The following RBFOX1 variants were observed in gnomAD, a reference collection of about 807,000 sequenced individuals.
The protein encoded by RBFOX1 is RNA binding protein fox-1 homolog 1.
RBFOX1 carries 8 observed loss-of-function variants against 57.7 expected under a neutral mutation model. That is an observed-to-expected ratio of 0.14 (90% confidence interval 0.08 to 0.25). RBFOX1 has a LOEUF of 0.25. Among genes scored for constraint, RBFOX1 ranks in the 10% least tolerant of loss-of-function variants. The pLI is 1.00. For synonymous variants in RBFOX1, 326 were observed against 222.4 expected (o/e 1.47, Z -4.15); for missense variants, 611 against 548.5 (o/e 1.11, Z -1.14).
chr16:5,758,342 T>C (rs913906503), intron 3 of RBFOX1, among the ~76,000 whole-genome samples: 2 of 152,198 alleles, frequency 1.3e-5, no homozygotes, highest in Admixed American at 6.5e-5. Flanking sequence ...AGTGCCATAA[T>C]TGGAGCACGG....
At chr16:6,450,765 G>GTATATATATATACACATATATA (rs1303973736) in intron 2 of RBFOX1, among the ~76,000 whole-genome samples, 1 of 19,442 alleles carries the variant, frequency 5.1e-5, no homozygotes, top group African/African-American at 2.0e-4. Flanking sequence ...ATATATATAT[G>GTATATATATATACACATATATA]TGTATATATA....
At chr16:5,916,291 T>C (rs2058702354) in intron 4 of RBFOX1, among the ~76,000 whole-genome samples, 1 of 152,210 alleles carries the variant, frequency 6.6e-6, no homozygotes, top group South Asian at 2.1e-4. Context: ...TTATTCTTAA[T>C]TCCCCCCTCC....
At chr16:7,464,822 G>T (rs922547098) in intron 4 of RBFOX1, among the ~76,000 whole-genome samples, 3 of 148,846 alleles carry the variant, frequency 2.0e-5, no homozygotes, top group African/African-American at 7.5e-5. Context: ...TCAGCCTCCC[G>T]AGTAGCTGGG....
chr16:7,023,044 T>C (rs551046905), intron 3 of RBFOX1, among the ~76,000 whole-genome samples: 1 of 152,250 alleles, frequency 6.6e-6, no homozygotes, highest in Non-Finnish European at 1.5e-5. Context: ...GGAATGACCA[T>C]TTGAAGTGTA....
At chr16:6,762,773 G>A (rs1488864411) in intron 3 of RBFOX1, among the ~76,000 whole-genome samples, 1 of 152,170 alleles carries the variant, frequency 6.6e-6, no homozygotes, top group African/African-American at 2.4e-5. Context: ...GGGATAGGGG[G>A]TAGTCAGGAA....
intron 3 of RBFOX1, among the ~76,000 whole-genome samples, chr16:6,906,142 A>C (rs1567815545): frequency 6.6e-6 from 1 of 152,206 alleles, no homozygotes; most frequent in South Asian, 2.1e-4. Context: ...TAGGGCTGCA[A>C]ACAGTGTTGA....
intron 1 of RBFOX1, among the ~76,000 whole-genome samples, chr16:5,252,137 C>G (rs962031676): frequency 6.6e-6 from 1 of 152,176 alleles, no homozygotes; most frequent in African/African-American, 2.4e-5. Flanking sequence ...TGAGCCCAGA[C>G]AGAGGACAGG....
At chr16:6,844,803 A>G (rs1027195088) in intron 3 of RBFOX1, among the ~76,000 whole-genome samples, 1 of 152,148 alleles carries the variant, frequency 6.6e-6, no homozygotes, top group African/African-American at 2.4e-5. Context: ...ACTGCCTCCA[A>G]CAGTGTAAAA....
chr16:7,006,295 C>G (rs531620681), intron 3 of RBFOX1, among the ~76,000 whole-genome samples: 1 of 152,154 alleles, frequency 6.6e-6, no homozygotes, highest in Non-Finnish European at 1.5e-5. Context: ...GCTGGGATTA[C>G]AGGTACACAC....
At chr16:5,449,025 A>G (rs1314800100) in intron 1 of RBFOX1, among the ~76,000 whole-genome samples, 3 of 152,056 alleles carry the variant, frequency 2.0e-5, no homozygotes, top group African/African-American at 7.2e-5. Context: ...AGAGGTATTG[A>G]GCTGCACGGG....
At chr16:7,708,330 TATACCAGAAGCC>T (rs1320340309) in intron 14 of RBFOX1, among the ~76,000 whole-genome samples, 2 of 152,186 alleles carry the variant, frequency 1.3e-5, no homozygotes, top group Admixed American at 6.5e-5. Flanking sequence ...TCCTAAAGCC[TATACCAGAAGCC>T]ATGGCAGGTA....
intron 3 of RBFOX1, among the ~76,000 whole-genome samples, chr16:6,720,307 G>C (rs1377526884): frequency 2.0e-5 from 3 of 152,074 alleles, no homozygotes; most frequent in Non-Finnish European, 2.9e-5. Flanking sequence ...TGCTACGTAA[G>C]ACATGCCAGC....
chr16:7,355,638 T>G (rs964091643), intron 4 of RBFOX1, among the ~76,000 whole-genome samples: 1 of 152,192 alleles, frequency 6.6e-6, no homozygotes, highest in African/African-American at 2.4e-5. Flanking sequence ...ACAGGTCCAC[T>G]CTATCATTCT....
intron 5 of RBFOX1, among the ~76,000 whole-genome samples, chr16:7,550,550 T>C (rs899104732): frequency 6.6e-6 from 1 of 152,192 alleles, no homozygotes; most frequent in Non-Finnish European, 1.5e-5. Context: ...GGGCATCTTA[T>C]ATTAGTCCTA....
chr16:5,908,077 T>TATATACAC (rs1414376516), intron 4 of RBFOX1, among the ~76,000 whole-genome samples: 55 of 144,672 alleles, frequency 3.8e-4, no homozygotes, highest in Middle Eastern at 3.6e-3. Context: ...TATGTATATA[T>TATATACAC]ATATATATAC....
At chr16:6,403,998 A>G (rs1387948074) in intron 2 of RBFOX1, among the ~76,000 whole-genome samples, 3 of 152,160 alleles carry the variant, frequency 2.0e-5, no homozygotes, top group Non-Finnish European at 2.9e-5. Flanking sequence ...TGGCACTCCA[A>G]TATCAAACTT....
chr16:5,405,873 G>T (rs2066850889), intron 1 of RBFOX1, among the ~76,000 whole-genome samples: 1 of 152,078 alleles, frequency 6.6e-6, no homozygotes, highest in African/African-American at 2.4e-5. Context: ...GTGGAAGTGA[G>T]GGCAGAGTGA....
chr16:5,977,398 T>A (rs1477958797), intron 4 of RBFOX1, among the ~76,000 whole-genome samples: 1 of 152,178 alleles, frequency 6.6e-6, no homozygotes, highest in Non-Finnish European at 1.5e-5. Flanking sequence ...GGGAGCTATG[T>A]GTCCCTACGA....
chr16:7,248,676 C>T (rs568789733), intron 4 of RBFOX1, among the ~76,000 whole-genome samples: 1 of 152,130 alleles, frequency 6.6e-6, no homozygotes, highest in East Asian at 1.9e-4. Context: ...AATTCAAGTA[C>T]TGCAGATAAG....
Sources: allele counts gnomAD v4.1 joint callset (sites outside exome capture counted in the v4.1 genomes callset), GRCh38; gene constraint gnomAD v4.1.1; transcripts MANE v1.5; gene names NCBI Gene and HGNC (gene_info 2026-07-23, HGNC 2026-07-21).